The following ARK2C variants were observed in gnomAD, a reference collection of about 807,000 sequenced individuals.
ARK2C encodes E3 ubiquitin-protein ligase ARK2C.
At chr18:46,409,152 T>C in the ARK2C span, among the ~76,000 whole-genome samples, 1 of 152,178 alleles carries the variant, frequency 6.6e-6, no homozygotes, top group Non-Finnish European at 1.5e-5. Flanking sequence ...TTATTACAAC[T>C]GCAGGCCTTC....
chr18:46,454,342 G>A, the ARK2C span, among the ~76,000 whole-genome samples: 11 of 151,988 alleles, frequency 7.2e-5, no homozygotes, highest in African/African-American at 2.7e-4. Context: ...TCAGCTAAAC[G>A]AAGGCCACTC....
the ARK2C span, among the ~76,000 whole-genome samples, chr18:46,381,801 A>C: frequency 6.6e-6 from 1 of 151,936 alleles, no homozygotes; most frequent in South Asian, 2.1e-4. Context: ...ACTGCACCCT[A>C]ATCTGGGTGA....
chr18:46,346,974 G>A, the ARK2C span, among the ~76,000 whole-genome samples: 1 of 152,240 alleles, frequency 6.6e-6, no homozygotes, highest in African/African-American at 2.4e-5. Context: ...CCTGATGTGG[G>A]TGGAGAATGG....
chr18:46,455,999 A>G, the ARK2C span: 2 of 1,613,280 alleles, frequency 1.2e-6, no homozygotes, highest in South Asian at 2.2e-5. Context: ...GGCAAGGGCA[A>G]GAAGGATGAG....
At chr18:46,400,227 C>G in the ARK2C span, among the ~76,000 whole-genome samples, 1 of 152,216 alleles carries the variant, frequency 6.6e-6, no homozygotes, top group African/African-American at 2.4e-5. Context: ...CTCCTATACC[C>G]TCCTCTGAGC....
the ARK2C span, among the ~76,000 whole-genome samples, chr18:46,432,650 T>G: frequency 1.3e-5 from 2 of 152,236 alleles, no homozygotes; most frequent in African/African-American, 4.8e-5. Context: ...AGGATGCTTA[T>G]GTATTCATTA....
chr18:46,344,259 G>C, the ARK2C span, among the ~76,000 whole-genome samples: 1 of 152,186 alleles, frequency 6.6e-6, no homozygotes, highest in Non-Finnish European at 1.5e-5. Context: ...GTGGACACCT[G>C]TCTCAAGGAA....
the ARK2C span, among the ~76,000 whole-genome samples, chr18:46,418,993 A>G: frequency 6.6e-6 from 1 of 152,232 alleles, no homozygotes; most frequent in Non-Finnish European, 1.5e-5. Flanking sequence ...GAGAGAGAGC[A>G]ATGCTTAATC....
the ARK2C span, among the ~76,000 whole-genome samples, chr18:46,414,321 A>G: frequency 6.6e-6 from 1 of 152,222 alleles, no homozygotes; most frequent in Non-Finnish European, 1.5e-5. Flanking sequence ...ATGTTTATAA[A>G]AAATCATTAG....
the ARK2C span, among the ~76,000 whole-genome samples, chr18:46,417,588 A>G: frequency 3.3e-5 from 5 of 152,244 alleles, no homozygotes; most frequent in African/African-American, 1.2e-4. Context: ...CATATTTAAA[A>G]TGGAACCCCC....
At chr18:46,454,520 A>G in the ARK2C span, among the ~76,000 whole-genome samples, 1 of 152,232 alleles carries the variant, frequency 6.6e-6, no homozygotes, top group Non-Finnish European at 1.5e-5. Context: ...TGGAGTATAT[A>G]GGGCACAGCG....
At chr18:46,459,380 C>G in the ARK2C span, 1 of 152,296 alleles carries the variant, frequency 6.6e-6, no homozygotes. Context: ...ATCAACACAT[C>G]TTCAAGGCGG....
chr18:46,414,096 G>A, the ARK2C span, among the ~76,000 whole-genome samples: 1 of 152,086 alleles, frequency 6.6e-6, no homozygotes, highest in South Asian at 2.1e-4. Context: ...CTGAATCCAC[G>A]GCCTTCTGGA....
chr18:46,450,771 G>C, the ARK2C span: 1 of 1,613,856 alleles, frequency 6.2e-7, no homozygotes, highest in Non-Finnish European at 8.5e-7. Flanking sequence ...ACCATTGAGA[G>C]GTTCACCTTC....
the ARK2C span, among the ~76,000 whole-genome samples, chr18:46,343,708 A>C: frequency 6.6e-6 from 1 of 152,218 alleles, no homozygotes; most frequent in African/African-American, 2.4e-5. Flanking sequence ...TGATGAGAAG[A>C]GCTTCTATTC....
At chr18:46,357,065 T>C in the ARK2C span, among the ~76,000 whole-genome samples, 1 of 152,238 alleles carries the variant, frequency 6.6e-6, no homozygotes, top group South Asian at 2.1e-4. Flanking sequence ...GATCTACCTT[T>C]CTGAGGTAGG....
At chr18:46,426,300 C>T in the ARK2C span, among the ~76,000 whole-genome samples, 1 of 152,342 alleles carries the variant, frequency 6.6e-6, no homozygotes, top group South Asian at 2.1e-4. Flanking sequence ...AGGCAGTGAG[C>T]CTTTTAGAGA....
chr18:46,422,111 C>T, the ARK2C span, among the ~76,000 whole-genome samples: 18 of 152,242 alleles, frequency 1.2e-4, 1 homozygote, highest in African/African-American at 4.1e-4. Context: ...ATAAGGAACC[C>T]GGAAAGAATG....
At chr18:46,454,229 A>T in the ARK2C span, among the ~76,000 whole-genome samples, 1 of 152,022 alleles carries the variant, frequency 6.6e-6, no homozygotes. Flanking sequence ...TATTAAAGGA[A>T]AATCATGAAT....
Sources: gnomAD v4.1 joint callset for allele counts (sites outside exome capture counted in the v4.1 genomes callset) on GRCh38, gnomAD v4.1.1 for gene constraint, MANE v1.5 for transcripts, NCBI Gene and HGNC (gene_info 2026-07-23, HGNC 2026-07-21) for gene names.